GLS: variants seen among roughly 807,000 people sequenced by gnomAD.
The protein encoded by GLS is glutaminase.
A neutral mutation model predicts 86.7 loss-of-function variants in GLS; 36 were observed. That is an observed-to-expected ratio of 0.42 (90% confidence interval 0.32 to 0.55). The LOEUF is 0.55. Ranked by LOEUF, GLS falls within the 20% of genes least tolerant of loss-of-function variation. GLS has a pLI of 0.17. For missense variants in GLS, 528 were observed against 833.4 expected (o/e 0.63, Z 4.51); for synonymous variants, 317 against 305.9 (o/e 1.04, Z -0.38).
chr2:190,938,895 A>C lies in GLS; in HGVS notation c.1650+7258A>C. 6.6e-6 allele frequency among the ~76,000 whole-genome samples: 1 copy of C among 151,808 alleles called. No individual in the cohort carries two copies. The highest frequency in any genetic ancestry group is 1.9e-4 in the East Asian group (1 of 5,204). On this transcript the variant is annotated intron_variant, in intron 14 of 17. Coordinates refer to ENST00000320717, the MANE Select transcript of GLS (RefSeq NM_014905.5). This position sits in a 1 kb window ranked among gnomAD's most constrained non-coding sequence, Gnocchi z 4.1. ...TTAAAGTTACACAGTAGTTCTAAAA[A>C]TAAAACATTACCCTGCAATCTTTGA...
intron 1 of GLS, among the ~76,000 whole-genome samples, chr2:190,884,658 G>GT (rs1477178890): frequency 1.3e-5 from 2 of 152,128 alleles, no homozygotes; most frequent in Non-Finnish European, 2.9e-5. Context: ...GCATTATTAA[G>GT]TTTTTTTATT....
chr2:190,949,483 C>T lies in GLS; in HGVS notation c.1651-4082C>T, dbSNP rs1690660864. 1.3e-5 allele frequency among the ~76,000 whole-genome samples: 2 copies of T among 152,088 alleles called. No individual in the cohort carries two copies. Among genetic ancestry groups the T allele is most frequent in the Non-Finnish European group, 2.9e-5 (2 of 68,010 alleles). On this transcript the variant is annotated intron_variant, in intron 14 of 17. Coordinates refer to ENST00000320717, the MANE Select transcript of GLS (RefSeq NM_014905.5). The surrounding 1 kb of genome is among the most constrained non-coding windows in gnomAD (Gnocchi z 4.0). ...CTGAGGCAGGCAGATCGCTTGAGGT[C>T]GGGAGTTTGGGACCAGCCTGGCCAA...
chr2:190,922,099 G>T (rs748237472), intron 9 of GLS, among the ~76,000 whole-genome samples: 3 of 152,084 alleles, frequency 2.0e-5, no homozygotes, highest in Non-Finnish European at 4.4e-5. Context: ...AATATTTTAA[G>T]CTTGTGTACC....
At position 190,947,135 on chromosome 2, in the gene GLS, A is replaced by T. The variant is rs1368674050; in HGVS notation, c.1651-6430A>T. ...AATTGCTACTTACTCATAAGTACAG[A>T]ATTATTAGGGCATTTACAGAAGTCA... On this transcript the variant is annotated intron_variant, in intron 14 of 17. Transcript: ENST00000320717. The surrounding 1 kb of genome is among the most constrained non-coding windows in gnomAD (Gnocchi z 5.0). Among the ~76,000 whole-genome samples, 1 of 152,198 alleles carries T rather than the reference A, an allele frequency of 6.6e-6. No homozygotes were observed. Among genetic ancestry groups the T allele is most frequent in the Non-Finnish European group, 1.5e-5 (1 of 68,038 alleles).
At position 190,895,843 on chromosome 2, in the gene GLS, T is replaced by G. The variant is rs1463110317; in HGVS notation, c.605+118T>G. Reference sequence around the variant, plus strand: ...TTCCTGTGTAATGGAAAAAGGGGATTTATAAACATCATTTGTTTGAAGAAC... The same window carrying G: ...TTCCTGTGTAATGGAAAAAGGGGATGTATAAACATCATTTGTTTGAAGAAC... On this transcript the variant is annotated intron_variant, in intron 3 of 17. Transcript: ENST00000320717. The surrounding 1 kb of genome is among the most constrained non-coding windows in gnomAD (Gnocchi z 4.2). The G allele has an allele frequency of 3.0e-6, 2 of 675,444 alleles. No individual in the cohort carries two copies. Among genetic ancestry groups the G allele is most frequent in the Admixed American group, 5.2e-5 (2 of 38,280 alleles). 41.8% of individuals were successfully genotyped at this position (675,444 alleles called of 1,614,324 possible).
intron 14 of GLS, among the ~76,000 whole-genome samples, chr2:190,940,844 CTA>C (rs1204929734): frequency 6.6e-6 from 1 of 151,568 alleles, no homozygotes; most frequent in Non-Finnish European, 1.5e-5. Flanking sequence ...TTAGATCCCT[CTA>C]TATAAATGAA....
At chr2:190,959,254 T>C (rs928127735) in intron 17 of GLS, among the ~76,000 whole-genome samples, 1 of 152,032 alleles carries the variant, frequency 6.6e-6, no homozygotes, top group Non-Finnish European at 1.5e-5. Flanking sequence ...TTTTTTTTTT[T>C]TTTTGCTTTC....
Position 190,905,381 on chromosome 2 carries a change from C to G in GLS, c.979+214C>G, listed in dbSNP as rs1574577972. The G allele has an allele frequency of 4.6e-6, 2 of 430,212 alleles. No homozygotes were observed. The highest frequency in any genetic ancestry group is 3.6e-5 in the South Asian group (1 of 28,064). The allele number at this position is 430,212 out of a possible 1,614,324, so 26.6% of individuals were successfully genotyped here. A position where few individuals can be genotyped will look rare whatever the true frequency, so the allele number is the denominator to read the frequency against. On this transcript the variant is annotated intron_variant, in intron 6 of 17. Transcript: ENST00000320717. The surrounding 1 kb of genome is among the most constrained non-coding windows in gnomAD (Gnocchi z 4.6). ...TGGGCTAGGGAGAACATGAACTTCT[C>G]TCTTCATAACCACCTTTAGGGAAAT...
At chr2:190,922,026 G>A (rs556804481) in intron 9 of GLS, among the ~76,000 whole-genome samples, 1 of 152,172 alleles carries the variant, frequency 6.6e-6, no homozygotes, top group Admixed American at 6.5e-5. Flanking sequence ...TTTTTAAAGA[G>A]TGCAGGCTGC....
In GLS at chr2:190,953,515, G is replaced by C. The variant is rs570705386; in HGVS notation, c.1651-50G>C. 5.0e-4 allele frequency: 576 copies of C among 1,145,658 alleles called. 3 individuals are homozygous for C. In the African/African-American group the frequency reaches 7.7e-3, roughly 15 times the overall value. The allele number at this position is 1,145,658 out of a possible 1,614,324, so 71.0% of individuals were successfully genotyped here. On this transcript the variant is annotated intron_variant, in intron 14 of 17. Transcript: ENST00000320717. The surrounding 1 kb of genome is among the most constrained non-coding windows in gnomAD (Gnocchi z 4.0). ...CACTTGCCAGTGACAGGTGGACGTTGTATGTGTTTTCTCTCTCCTAAGGAT... is the reference window on the plus strand; with the variant it reads ...CACTTGCCAGTGACAGGTGGACGTTCTATGTGTTTTCTCTCTCCTAAGGAT...
chr2:190,912,257 G>A (rs1689384764), intron 7 of GLS, among the ~76,000 whole-genome samples: 1 of 151,024 alleles, frequency 6.6e-6, no homozygotes, highest in South Asian at 2.1e-4. Context: ...TACAGGCAAA[G>A]TTGGAAATGA....
intron 14 of GLS, among the ~76,000 whole-genome samples, chr2:190,939,877 G>A (rs1394069496): frequency 6.6e-6 from 1 of 151,450 alleles, no homozygotes; most frequent in African/African-American, 2.4e-5. Context: ...GATTTTAGTT[G>A]AAAAACTCAG....
At chr2:190,891,253 T>G (rs897080426) in intron 1 of GLS, among the ~76,000 whole-genome samples, 2 of 152,188 alleles carry the variant, frequency 1.3e-5, no homozygotes, top group Non-Finnish European at 2.9e-5. Context: ...TTTAGTCATA[T>G]TTCTCCTAGA....
chr2:190,914,745 T>G lies in GLS; in HGVS notation c.1038+4424T>G, dbSNP rs917735810. Among the ~76,000 whole-genome samples, 4 of 152,176 alleles carry G rather than the reference T, an allele frequency of 2.6e-5. No homozygotes were observed. Among genetic ancestry groups the G allele is most frequent in the African/African-American group, 7.2e-5 (3 of 41,446 alleles). ...TCAAGTGCGATACTTACAAAATAACTCTGATGCATTGATTTTAAATGAGCC... is the reference window on the plus strand; with the variant it reads ...TCAAGTGCGATACTTACAAAATAACGCTGATGCATTGATTTTAAATGAGCC... On this transcript the variant is annotated intron_variant, in intron 7 of 17. Transcript: ENST00000320717. This position sits in a 1 kb window ranked among gnomAD's most constrained non-coding sequence, Gnocchi z 4.4.
chr2:190,934,057 T>G (rs994736952), intron 14 of GLS: 1 of 973,126 alleles, frequency 1.0e-6, no homozygotes, highest in African/African-American at 1.8e-5. Flanking sequence ...GTAGGACCTA[T>G]TCACACTTCT....
Position 190,920,363 on chromosome 2 carries a change from A to G in GLS, c.1039-661A>G, listed in dbSNP as rs1574594553. ...AAAGTGATGAAACAATACATCTTCC[A>G]TATTCTGAATTGGCATAATGCTAAA... On this transcript the variant is annotated intron_variant, in intron 7 of 17. Transcript: ENST00000320717. This position sits in a 1 kb window ranked among gnomAD's most constrained non-coding sequence, Gnocchi z 4.2. The G allele has an allele frequency of 6.6e-6, 1 of 151,910 alleles. No individual in the cohort carries two copies. The highest frequency in any genetic ancestry group is 1.5e-5 in the Non-Finnish European group (1 of 67,806). 9.4% of individuals were successfully genotyped at this position (151,910 alleles called of 1,614,324 possible). A position where few individuals can be genotyped will look rare whatever the true frequency, so the allele number is the denominator to read the frequency against.
intron 1 of GLS, among the ~76,000 whole-genome samples, chr2:190,886,887 G>T (rs1688400097): frequency 6.8e-6 from 1 of 146,744 alleles, no homozygotes; most frequent in Non-Finnish European, 1.5e-5. Context: ...CTGCACTCCA[G>T]CCTGGGTGAC....
At chr2:190,899,764 T>C (rs1467840980) in intron 3 of GLS, among the ~76,000 whole-genome samples, 3 of 152,174 alleles carry the variant, frequency 2.0e-5, no homozygotes, top group African/African-American at 7.2e-5. Context: ...ATTTTCTGGC[T>C]TAAATTCTTT....
Position 190,924,391 on chromosome 2 carries a change from TTTTA to T in GLS, c.1198-148_1198-145del. Reference sequence around the variant, plus strand: ...TACATGATGTGATAAAATTTTGCTTTTTTATTTCATGTTTATACTCTTTTAGAAG... The same window carrying T: ...TACATGATGTGATAAAATTTTGCTTTTTTCATGTTTATACTCTTTTAGAAG... On this transcript the variant is annotated intron_variant, in intron 10 of 17. Coordinates refer to ENST00000320717, the MANE Select transcript of GLS (RefSeq NM_014905.5). This position sits in a 1 kb window ranked among gnomAD's most constrained non-coding sequence, Gnocchi z 5.2. 2 of 643,160 alleles carry T rather than the reference TTTTA, an allele frequency of 3.1e-6. No individual in the cohort carries two copies. The highest frequency in any genetic ancestry group is 5.5e-6 in the Non-Finnish European group (2 of 362,684). 39.8% of individuals were successfully genotyped at this position (643,160 alleles called of 1,614,324 possible).
Sources: gnomAD v4.1 joint callset for allele counts (sites outside exome capture counted in the v4.1 genomes callset) on GRCh38, gnomAD v4.1.1 for gene constraint, Gnocchi (gnomAD v3.1) non-coding constraint, MANE v1.5 for transcripts, NCBI Gene and HGNC (gene_info 2026-07-23, HGNC 2026-07-21) for gene names.